Variants in DISC1 observed in about 807,000 individuals in gnomAD.
DISC1 encodes DISC1 scaffold protein, also known as disrupted in schizophrenia 1 protein.
Under a neutral mutation model 84.5 loss-of-function variants are expected in DISC1, and 57 were observed. The ratio of observed to expected loss-of-function variants is 0.67; its 90% CI spans 0.55 to 0.84. DISC1 has a LOEUF of 0.84. Among genes scored for constraint, DISC1 ranks in the 40% least tolerant of loss-of-function variants. The probability of loss-of-function intolerance (pLI) is 0.00; values close to 1 mark genes in which losing one functional copy is unlikely to be tolerated. For synonymous variants in DISC1, 411 were observed against 415.2 expected, an observed-to-expected ratio of 0.99 and a Z score of 0.12; for missense variants, 1,000 against 1,057.8, an observed-to-expected ratio of 0.95 and a Z score of 0.76.
At chr1:231,750,107 C>T (rs1184305982) in intron 4 of DISC1, 31 bp downstream of exon 4, 28 of 1,602,242 alleles carry the variant, frequency 1.7e-5, no homozygotes, top group Non-Finnish European at 2.3e-5. Context: ...CCATTTTCCC[C>T]TCATGTTTCT....
chr1:231,628,066 A>G (rs531367713), intron 1 of DISC1, among the ~76,000 whole-genome samples: 1 of 152,296 alleles, frequency 6.6e-6, no homozygotes, highest in East Asian at 1.9e-4. Context: ...CTTAGTTGCT[A>G]TTTTTCCTAG....
chr1:232,005,327 T>G (rs1667289489), intron 10 of DISC1, among the ~76,000 whole-genome samples: 1 of 152,098 alleles, frequency 6.6e-6, no homozygotes, highest in Non-Finnish European at 1.5e-5. Flanking sequence ...TTCAAATAAT[T>G]GCATAGTTCT....
chr1:231,921,225 T>A (rs900097310), intron 9 of DISC1, among the ~76,000 whole-genome samples: 1 of 152,158 alleles, frequency 6.6e-6, no homozygotes, highest in African/African-American at 2.4e-5. Flanking sequence ...GCTGGACTGC[T>A]TTCTTTGCTT....
rs144493144 is a variant in DISC1 at position 231,642,456 on chromosome 1, C to T, written c.67+15522C>T. 3.3e-4 allele frequency among the ~76,000 whole-genome samples: 51 copies of T among 152,358 alleles called. 1 individual carries two copies. Among genetic ancestry groups the T allele is most frequent in the African/African-American group, 7.5e-4 (31 of 41,590 alleles). On this transcript the variant is annotated intron_variant, in intron 1 of 12. Transcript: ENST00000439617. ...GCGCGGGCTGCGAGGACTGCCAGCA[C>T]GCTGTCACCTCTCGTGAGTATCTCT... is the stretch of plus-strand genomic sequence containing the variant.
chr1:231,831,169 T>A (rs2082194953), intron 9 of DISC1, among the ~76,000 whole-genome samples: 1 of 152,162 alleles, frequency 6.6e-6, no homozygotes, highest in Non-Finnish European at 1.5e-5. Context: ...TTGCCAGTCC[T>A]GGGCAGGGGC....
intron 10 of DISC1, among the ~76,000 whole-genome samples, chr1:231,996,599 A>G (rs1665995840): frequency 6.6e-6 from 1 of 152,210 alleles, no homozygotes; most frequent in Non-Finnish European, 1.5e-5. Context: ...CATCTGTGTC[A>G]GAACTCAGTA....
intron 12 of DISC1, among the ~76,000 whole-genome samples, chr1:232,034,510 C>T (rs988614437): frequency 1.3e-5 from 2 of 152,206 alleles, no homozygotes; most frequent in African/African-American, 4.8e-5. Flanking sequence ...CTAACTTCAT[C>T]CTTTGCTTTT....
At chr1:231,803,666 A>T (rs2079457241) in intron 8 of DISC1, among the ~76,000 whole-genome samples, 1 of 152,104 alleles carries the variant, frequency 6.6e-6, no homozygotes, top group South Asian at 2.1e-4. Flanking sequence ...GAAGCCACAG[A>T]TGCCAGGCGC....
At chr1:231,779,534 G>C (rs2077214019) in intron 6 of DISC1, among the ~76,000 whole-genome samples, 1 of 141,194 alleles carries the variant, frequency 7.1e-6, no homozygotes, top group Non-Finnish European at 1.5e-5. Context: ...ATGTATACTT[G>C]GTCAACCTAT....
intron 9 of DISC1, among the ~76,000 whole-genome samples, chr1:231,895,190 A>T (rs2087587759): frequency 6.9e-6 from 1 of 145,682 alleles, no homozygotes; most frequent in African/African-American, 2.5e-5. Context: ...ACTTTGTTTT[A>T]TTTTCCTCAG....
At chr1:231,980,812 C>A (rs1236207337) in intron 10 of DISC1, among the ~76,000 whole-genome samples, 2 of 152,094 alleles carry the variant, frequency 1.3e-5, no homozygotes, top group African/African-American at 4.8e-5. Flanking sequence ...TCCTGGGGTC[C>A]TTTTTTTGAG....
At chr1:231,925,624 A>G (rs6692901) in intron 9 of DISC1, among the ~76,000 whole-genome samples, 64,989 of 152,030 alleles carry the variant, frequency 0.43, 14,545 homozygotes, top group East Asian at 0.74. Context: ...GAATGTGACC[A>G]TTCTTGGATT....
At chr1:231,915,063 T>G (rs2089512103) in intron 9 of DISC1, among the ~76,000 whole-genome samples, 1 of 152,246 alleles carries the variant, frequency 6.6e-6, no homozygotes, top group East Asian at 1.9e-4. Flanking sequence ...TGTGTTACGC[T>G]GACCAACTAT....
chr1:231,724,876 T>C (rs1476812974), intron 3 of DISC1, among the ~76,000 whole-genome samples: 4 of 152,210 alleles, frequency 2.6e-5, no homozygotes, highest in African/African-American at 9.6e-5. Context: ...CATAGCTTTG[T>C]TGTTACAAAT....
chr1:231,737,594 A>G (rs2072678576), intron 3 of DISC1, among the ~76,000 whole-genome samples: 1 of 152,238 alleles, frequency 6.6e-6, no homozygotes, highest in South Asian at 2.1e-4. Flanking sequence ...AGGTTTTCTT[A>G]AAGGCACAAC....
intron 9 of DISC1, among the ~76,000 whole-genome samples, chr1:231,928,091 A>G (rs1207144859): frequency 1.3e-5 from 2 of 152,194 alleles, no homozygotes; most frequent in Non-Finnish European, 2.9e-5. Context: ...AGTCTCCCTA[A>G]CATCCCATTC....
Position 232,041,121 on chromosome 1 carries a change from CAAGGCAT to C in DISC1, c.*4291_*4297del, listed in dbSNP as rs771842030. On this transcript the variant is annotated 3_prime_UTR_variant, in exon 13 of 13. Coordinates refer to ENST00000439617, the MANE Select transcript of DISC1 (RefSeq NM_018662.3). ...GTTATACAAAATAAAAGCTGATATC[CAAGGCAT>C]GGTGCATCTTGATGATTTTTTGTCC... 1 of 152,114 alleles carries C rather than the reference CAAGGCAT, an allele frequency of 6.6e-6. No homozygotes were observed. The highest frequency in any genetic ancestry group is 1.5e-5 in the Non-Finnish European group (1 of 68,026). The allele number at this position is 152,114 out of a possible 1,614,324, so 9.4% of individuals were successfully genotyped here. A position where few individuals can be genotyped will look rare whatever the true frequency, so the allele number is the denominator to read the frequency against.
chr1:231,685,737 C>T (rs1415041982), intron 1 of DISC1, among the ~76,000 whole-genome samples: 1 of 152,166 alleles, frequency 6.6e-6, no homozygotes. Context: ...AGGCATAAGC[C>T]ACCACACCCG....
At chr1:231,772,052 G>A (rs1316708446) in intron 6 of DISC1, among the ~76,000 whole-genome samples, 6 of 151,620 alleles carry the variant, frequency 4.0e-5, no homozygotes, top group Non-Finnish European at 5.9e-5. Context: ...GGGCTCAAGC[G>A]ATCCTCCCTG....
Sources: gnomAD v4.1 joint callset for allele counts (sites outside exome capture counted in the v4.1 genomes callset) on GRCh38, gnomAD v4.1.1 for gene constraint, MANE v1.5 for transcripts, NCBI Gene and HGNC (gene_info 2026-07-23, HGNC 2026-07-21) for gene names.